Variants in TMC1 observed in about 807,000 individuals in gnomAD.
TMC1 encodes transmembrane channel-like protein 1.
A neutral mutation model predicts 105.8 loss-of-function variants in TMC1; 84 were observed. The ratio of observed to expected loss-of-function variants is 0.79; its 90% CI spans 0.67 to 0.95. The LOEUF (loss-of-function observed/expected upper bound fraction) is 0.95. Ranked by LOEUF, TMC1 falls within the 40% of genes least tolerant of loss-of-function variation. TMC1 has a pLI of 0.00. For synonymous variants in TMC1, 315 were observed against 311.5 expected, an observed-to-expected ratio of 1.01 and a Z score of -0.12; for missense variants, 817 against 914.1, an observed-to-expected ratio of 0.89 and a Z score of 1.37.
intron 1 of TMC1, among the ~76,000 whole-genome samples, chr9:72,563,696 C>T (rs537028205): frequency 4.0e-5 from 6 of 151,852 alleles, no homozygotes; most frequent in East Asian, 1.9e-4. Flanking sequence ...GCCAGGAGCT[C>T]GAGACCAGCC....
intron 8 of TMC1, among the ~76,000 whole-genome samples, chr9:72,717,633 T>C (rs760993437): frequency 9.2e-5 from 14 of 152,340 alleles, no homozygotes; most frequent in Admixed American, 3.3e-4. Context: ...CAGTCCCCTC[T>C]AGCCTGTAGG....
intron 7 of TMC1, among the ~76,000 whole-genome samples, chr9:72,698,107 A>G (rs1826580832): frequency 6.6e-6 from 1 of 152,168 alleles, no homozygotes. Context: ...TGCCATGGCT[A>G]CACAGCATCA....
intron 8 of TMC1, among the ~76,000 whole-genome samples, chr9:72,736,866 T>C (rs1357962403): frequency 6.6e-6 from 1 of 152,160 alleles, no homozygotes; most frequent in Admixed American, 6.5e-5. Flanking sequence ...AGGCACACAA[T>C]ACCTAGAAAT....
intron 2 of TMC1, among the ~76,000 whole-genome samples, chr9:72,604,125 G>A (rs1243657370): frequency 2.6e-5 from 4 of 152,014 alleles, no homozygotes; most frequent in Admixed American, 6.6e-5. Context: ...TGAGAGAACA[G>A]GCTATCATCA....
At chr9:72,635,834 A>G (rs780360403) in intron 4 of TMC1, among the ~76,000 whole-genome samples, 23 of 152,222 alleles carry the variant, frequency 1.5e-4, no homozygotes, top group Non-Finnish European at 2.8e-4. Flanking sequence ...AGATGCTGTC[A>G]TATCACCTCA....
chr9:72,776,343 A>C (rs1483515562), intron 13 of TMC1, among the ~76,000 whole-genome samples: 1 of 152,112 alleles, frequency 6.6e-6, no homozygotes, highest in African/African-American at 2.4e-5. Context: ...CAGTATGTTC[A>C]TCCATATTTC....
At chr9:72,824,492 C>T (rs1294151875) in intron 20 of TMC1, among the ~76,000 whole-genome samples, 1 of 152,158 alleles carries the variant, frequency 6.6e-6, no homozygotes, top group Non-Finnish European at 1.5e-5. Flanking sequence ...ATGAAATTGG[C>T]TCTCAGCAGA....
intron 17 of TMC1, among the ~76,000 whole-genome samples, chr9:72,796,337 T>C (rs961266094): frequency 6.6e-5 from 10 of 152,148 alleles, no homozygotes; most frequent in Admixed American, 1.3e-4. Flanking sequence ...TTCACGAAAT[T>C]GAGGAGGAGG....
At chr9:72,771,898 G>A (rs1450129001) in intron 12 of TMC1, among the ~76,000 whole-genome samples, 1 of 152,174 alleles carries the variant, frequency 6.6e-6, no homozygotes, top group Non-Finnish European at 1.5e-5. Context: ...TGGGAAGTGT[G>A]CAGATGAGTT....
At chr9:72,789,354 G>A in intron 15 of TMC1, 37 bp downstream of exon 15, 1 of 1,594,422 alleles carries the variant, frequency 6.3e-7, no homozygotes, top group Non-Finnish European at 8.6e-7. Flanking sequence ...CTTAGAACCT[G>A]ACATTTGTTT....
chr9:72,606,522 A>C (rs769855274), intron 2 of TMC1, among the ~76,000 whole-genome samples: 23 of 152,192 alleles, frequency 1.5e-4, no homozygotes, highest in African/African-American at 5.3e-4. Context: ...TAAAAATAAA[A>C]ATTCAGTCTG....
intron 1 of TMC1, among the ~76,000 whole-genome samples, chr9:72,541,910 T>C (rs987319678): frequency 6.6e-6 from 1 of 151,814 alleles, no homozygotes; most frequent in Non-Finnish European, 1.5e-5. Context: ...TTAGCACACA[T>C]AGCTGAAAAA....
chr9:72,753,211 G>A (rs150596643), intron 11 of TMC1, among the ~76,000 whole-genome samples: 176 of 144,106 alleles, frequency 1.2e-3, no homozygotes, highest in African/African-American at 3.7e-3. Flanking sequence ...GTCCTGTGTA[G>A]TTTATTTCCC....
At chr9:72,743,287 A>G (rs1205052369) in intron 10 of TMC1, among the ~76,000 whole-genome samples, 6 of 150,246 alleles carry the variant, frequency 4.0e-5, no homozygotes, top group Admixed American at 4.0e-4. Flanking sequence ...GAATGGCGTG[A>G]ACCCAGGAGG....
At chr9:72,549,524 C>A (rs1352783144) in intron 1 of TMC1, among the ~76,000 whole-genome samples, 1 of 151,984 alleles carries the variant, frequency 6.6e-6, no homozygotes, top group Non-Finnish European at 1.5e-5. Context: ...CTCAGTGCAA[C>A]CTCCGCCTCC....
chr9:72,798,248 C>T lies in TMC1; in HGVS notation c.1566+5896C>T, dbSNP rs552992381. Among the ~76,000 whole-genome samples, 39 of 152,174 alleles carry T rather than the reference C, an allele frequency of 2.6e-4. No homozygotes were observed. The South Asian group carries it at 6.2e-3, about 24-fold the overall frequency. On this transcript the variant is annotated intron_variant, in intron 17 of 23. Transcript: ENST00000297784. ...TGGCAAGGTCGCAGAGAAAAAGGAA[C>T]ATTTATACACTGTTAGTGGGAATGT... is the stretch of plus-strand genomic sequence containing the variant.
At chr9:72,658,597 T>C (rs989747503) in intron 5 of TMC1, among the ~76,000 whole-genome samples, 1 of 152,234 alleles carries the variant, frequency 6.6e-6, no homozygotes, top group Admixed American at 6.5e-5. Context: ...CATAGGAATA[T>C]GTTTTATAGA....
At chr9:72,557,893 C>G (rs977829042) in intron 1 of TMC1, among the ~76,000 whole-genome samples, 15 of 152,096 alleles carry the variant, frequency 9.9e-5, no homozygotes, top group African/African-American at 3.4e-4. Flanking sequence ...ACCTGGAGCC[C>G]AAGTGGATGT....
chr9:72,712,376 C>T (rs112769359), intron 8 of TMC1, among the ~76,000 whole-genome samples: 22,409 of 151,978 alleles, frequency 0.15, 2,038 homozygotes, highest in African/African-American at 0.26. Context: ...GCCATTTTCA[C>T]GATATTGATT....
Sources: gnomAD v4.1 joint callset for allele counts (sites outside exome capture counted in the v4.1 genomes callset) on GRCh38, gnomAD v4.1.1 for gene constraint, MANE v1.5 for transcripts, NCBI Gene and HGNC (gene_info 2026-07-23, HGNC 2026-07-21) for gene names.